Variants in SLC30A9 observed in about 807,000 individuals in gnomAD.
SLC30A9 encodes proton-coupled zinc antiporter SLC30A9, mitochondrial.
SLC30A9 carries 58 observed loss-of-function variants against 87.5 expected under a neutral mutation model. That is an observed-to-expected ratio of 0.66 (90% CI 0.54 to 0.82). The LOEUF (loss-of-function observed/expected upper bound fraction) is 0.82. Among genes scored for constraint, SLC30A9 ranks in the 40% least tolerant of loss-of-function variants. The pLI, the probability that SLC30A9 is intolerant of heterozygous loss-of-function variation, is 0.00. For synonymous variants in SLC30A9, 234 were observed against 233.0 expected, an observed-to-expected ratio of 1.00 and a Z score of -0.04; for missense variants, 557 against 679.1, an observed-to-expected ratio of 0.82 and a Z score of 2.00.
In SLC30A9 at chr4:42,087,199, C is replaced by T. The variant is rs1271443792; in HGVS notation, c.*1073C>T. The T allele has an allele frequency of 6.6e-6, 1 of 152,012 alleles. No individual in the cohort carries two copies. The highest frequency in any genetic ancestry group is 1.5e-5 in the Non-Finnish European group (1 of 68,024). 9.4% of individuals were successfully genotyped at this position (152,012 alleles called of 1,614,324 possible). A position where few individuals can be genotyped will look rare whatever the true frequency, so the allele number is the denominator to read the frequency against. ...TTTAGTATAGTTATATTGACTATAACATGTAAGTAAATAGCTTTCTACTGA... is the reference window on the plus strand; with the variant it reads ...TTTAGTATAGTTATATTGACTATAATATGTAAGTAAATAGCTTTCTACTGA... On this transcript the variant is annotated 3_prime_UTR_variant, in exon 18 of 18. Transcript: ENST00000264451.
At chr4:42,075,585 C>T (rs1718517747) in intron 15 of SLC30A9, 72 bp from the exon 16 acceptor site, 1 of 1,382,896 alleles carries the variant, frequency 7.2e-7, no homozygotes, top group Non-Finnish European at 1.0e-6. Context: ...TAATTCAAGC[C>T]TTTGTGCTAT....
intron 1 of SLC30A9, 82 bp downstream of exon 1, chr4:41,990,842 T>C: frequency 1.0e-6 from 1 of 976,170 alleles, no homozygotes; most frequent in Non-Finnish European, 1.6e-6. Flanking sequence ...CCTGGGGCAA[T>C]TCGCCCACTT....
intron 12 of SLC30A9, among the ~76,000 whole-genome samples, chr4:42,065,710 A>G (rs1718053668): frequency 2.6e-5 from 4 of 152,208 alleles, no homozygotes; most frequent in Non-Finnish European, 1.5e-5. Flanking sequence ...ATTTGTGGTT[A>G]TTTTTAAACT....
At chr4:42,073,458 T>TA (rs1384609740) in intron 15 of SLC30A9, among the ~76,000 whole-genome samples, 1 of 152,206 alleles carries the variant, frequency 6.6e-6, no homozygotes, top group Non-Finnish European at 1.5e-5. Context: ...AACAGTATAT[T>TA]AGTTACCTAC....
At chr4:42,083,951 T>A (rs528235678) in intron 17 of SLC30A9, among the ~76,000 whole-genome samples, 1 of 152,220 alleles carries the variant, frequency 6.6e-6, no homozygotes, top group African/African-American at 2.4e-5. Context: ...ATAAGAAAAA[T>A]CCCTGTGTGC....
chr4:42,007,306 G>A (rs1345908364), intron 2 of SLC30A9, among the ~76,000 whole-genome samples: 4 of 152,174 alleles, frequency 2.6e-5, no homozygotes, highest in African/African-American at 7.2e-5. Context: ...AAAATTAGGA[G>A]TACCAGAGCT....
intron 16 of SLC30A9, 102 bp from the exon 17 acceptor site, chr4:42,078,110 A>G: frequency 1.7e-6 from 1 of 588,838 alleles, no homozygotes. Context: ...TGTTCATTAA[A>G]CTTAATGGCG....
At chr4:42,041,485 G>T (rs1021925944) in intron 8 of SLC30A9, among the ~76,000 whole-genome samples, 1 of 152,162 alleles carries the variant, frequency 6.6e-6, no homozygotes, top group Non-Finnish European at 1.5e-5. Context: ...TGGAATCTCA[G>T]CACTTTGGGA....
rs146905651 is a variant in SLC30A9, at chr4:42,047,000, A to G, written c.738-2377A>G. On this transcript the variant is annotated intron_variant, in intron 8 of 17. Coordinates refer to ENST00000264451, the MANE Select transcript of SLC30A9 (RefSeq NM_006345.4). ...GGGGAAAGGATTCCCGATTTAATAAATGGTGCTGGGAAAACTGGCAAGCCA... is the reference window on the plus strand; with the variant it reads ...GGGGAAAGGATTCCCGATTTAATAAGTGGTGCTGGGAAAACTGGCAAGCCA... Among the ~76,000 whole-genome samples, 975 of 152,338 alleles carry G rather than the reference A, an allele frequency of 6.4e-3. 15 individuals are homozygous for G. The highest frequency in any genetic ancestry group is 0.023 in the African/African-American group (939 of 41,578).
chr4:42,010,142 C>A (rs1261964563), intron 2 of SLC30A9, among the ~76,000 whole-genome samples: 1 of 152,100 alleles, frequency 6.6e-6, no homozygotes, highest in Non-Finnish European at 1.5e-5. Flanking sequence ...ACACTTAAAG[C>A]CTTTTTAGAT....
At chr4:42,004,918 T>G (rs1715139568) in intron 2 of SLC30A9, among the ~76,000 whole-genome samples, 1 of 152,138 alleles carries the variant, frequency 6.6e-6, no homozygotes, top group African/African-American at 2.4e-5. Context: ...CCTTCCAAAG[T>G]GCTGGGATTA....
At chr4:42,029,317 C>A in intron 6 of SLC30A9, 2 of 515,706 alleles carry the variant, frequency 3.9e-6, no homozygotes, top group Non-Finnish European at 3.9e-6. Flanking sequence ...TAAGATCATT[C>A]TATTCTACAT....
intron 8 of SLC30A9, among the ~76,000 whole-genome samples, chr4:42,048,175 A>G (rs1717246974): frequency 6.6e-6 from 1 of 152,176 alleles, no homozygotes. Flanking sequence ...ATGTATACCT[A>G]TGTAACAAAC....
intron 2 of SLC30A9, among the ~76,000 whole-genome samples, chr4:42,013,723 C>T (rs897461880): frequency 1.3e-5 from 2 of 152,094 alleles, no homozygotes; most frequent in Non-Finnish European, 2.9e-5. Flanking sequence ...CCCCTTCTCT[C>T]GCCATTTACA....
At chr4:41,994,599 T>C (rs1714610471) in intron 1 of SLC30A9, among the ~76,000 whole-genome samples, 3 of 151,800 alleles carry the variant, frequency 2.0e-5, no homozygotes, top group African/African-American at 7.3e-5. Context: ...ATAAGAAAAG[T>C]AGGCTGAGAA....
intron 2 of SLC30A9, among the ~76,000 whole-genome samples, chr4:42,016,867 T>A (rs1715744696): frequency 6.6e-6 from 1 of 152,160 alleles, no homozygotes. Context: ...TGTTGCCAGT[T>A]TACAACAACA....
chr4:42,044,442 T>G (rs2153137951), intron 8 of SLC30A9, among the ~76,000 whole-genome samples: 1 of 149,182 alleles, frequency 6.7e-6, no homozygotes, highest in South Asian at 2.1e-4. Flanking sequence ...AAAAAGATTT[T>G]AAACCGACAA....
intron 2 of SLC30A9, among the ~76,000 whole-genome samples, chr4:42,016,030 G>C (rs1452088502): frequency 1.3e-5 from 2 of 152,036 alleles, no homozygotes; most frequent in Non-Finnish European, 2.9e-5. Flanking sequence ...CTATGCCCCA[G>C]TTTCCTCATA....
At chr4:42,067,042 G>A (rs1469752759) in intron 13 of SLC30A9, 43 bp from the exon 14 acceptor site, 3 of 1,205,800 alleles carry the variant, frequency 2.5e-6, no homozygotes, top group South Asian at 2.5e-5. Context: ...ATCAAGTTAA[G>A]ATTTTAGAAA....
Sources: gnomAD v4.1 joint callset for allele counts (sites outside exome capture counted in the v4.1 genomes callset) on GRCh38, gnomAD v4.1.1 for gene constraint, MANE v1.5 for transcripts, NCBI Gene and HGNC (gene_info 2026-07-23, HGNC 2026-07-21) for gene names.